The following RAP1GAP2 variants were observed in gnomAD, a reference collection of about 807,000 sequenced individuals.
RAP1GAP2 encodes RAP1 GTPase activating protein 2.
In RAP1GAP2, 27 loss-of-function variants were observed where a neutral mutation model predicts 95.0. That is an observed-to-expected ratio of 0.28 (90% CI 0.21 to 0.39). The LOEUF is 0.39. RAP1GAP2 is among the 10% of genes least tolerant of loss of function. The pLI, the probability that RAP1GAP2 is intolerant of heterozygous loss-of-function variation, is 1.00. For missense variants in RAP1GAP2, 771 were observed against 970.0 expected, an observed-to-expected ratio of 0.79 and a Z score of 2.72; for synonymous variants, 373 against 380.9, an observed-to-expected ratio of 0.98 and a Z score of 0.24.
At chr17:3,023,908 T>C (rs1446305735) in intron 19 of RAP1GAP2, among the ~76,000 whole-genome samples, 2 of 152,148 alleles carry the variant, frequency 1.3e-5, no homozygotes, top group East Asian at 1.9e-4. Flanking sequence ...ATGTGGTGTT[T>C]GGTTTTCTGT....
At chr17:2,927,575 G>C (rs752302001) in intron 3 of RAP1GAP2, among the ~76,000 whole-genome samples, 6 of 152,202 alleles carry the variant, frequency 3.9e-5, no homozygotes, top group Non-Finnish European at 7.3e-5. Context: ...TCCCATCTCA[G>C]GGGCAGCCTT....
intron 2 of RAP1GAP2, among the ~76,000 whole-genome samples, chr17:2,891,174 G>T (rs2073701407): frequency 6.6e-6 from 1 of 150,742 alleles, no homozygotes; most frequent in African/African-American, 2.4e-5. Flanking sequence ...TTGAGACAGG[G>T]TCTCACTCTG....
intron 17 of RAP1GAP2, among the ~76,000 whole-genome samples, chr17:3,012,607 A>C (rs1289314641): frequency 4.2e-4 from 1 of 2,364 alleles, no homozygotes; most frequent in African/African-American, 3.2e-3. Context: ...CTGTGTCTCA[A>C]AAAAAAAAAA....
At chr17:3,013,632 CTTT>C (rs998163717) in intron 17 of RAP1GAP2, among the ~76,000 whole-genome samples, 2 of 78,876 alleles carry the variant, frequency 2.5e-5, no homozygotes, top group Admixed American at 2.0e-4. Context: ...CTTTTCTTTT[CTTT>C]TTTTTTTTTT....
At position 3,034,593 on chromosome 17, in the gene RAP1GAP2, G is replaced by A. The variant is rs2047420877; in HGVS notation, c.*1232G>A. 6.5e-6 allele frequency: 1 copy of A among 153,660 alleles called. No homozygotes were observed. The highest frequency in any genetic ancestry group is 6.5e-5 in the Admixed American group (1 of 15,288). 9.5% of individuals were successfully genotyped at this position (153,660 alleles called of 1,614,324 possible). A position where few individuals can be genotyped will look rare whatever the true frequency, so the allele number is the denominator to read the frequency against. ...ATCCTGTTCCCCTCTCCAGCTGCGG[G>A]TCTGTAGGCAGCTGTCACATCTGAA... On this transcript the variant is annotated 3_prime_UTR_variant, in exon 25 of 25. Transcript: ENST00000254695. The surrounding 1 kb of genome is among the most constrained non-coding windows in gnomAD (Gnocchi z 5.1).
intron 3 of RAP1GAP2, among the ~76,000 whole-genome samples, chr17:2,953,249 G>T (rs969914406): frequency 2.5e-4 from 37 of 151,000 alleles, no homozygotes; most frequent in African/African-American, 8.5e-4. Flanking sequence ...CCCAGGGTAG[G>T]GTACAGTGTC....
chr17:2,998,178 A>AT, intron 13 of RAP1GAP2, 43 bp from the exon 14 acceptor site: 1 of 1,586,730 alleles, frequency 6.3e-7, no homozygotes, highest in Non-Finnish European at 8.6e-7. Flanking sequence ...ATCTTTCATG[A>AT]TTTTCCTAAC....
intron 2 of RAP1GAP2, among the ~76,000 whole-genome samples, chr17:2,840,549 A>G (rs1017442430): frequency 6.6e-6 from 1 of 150,980 alleles, no homozygotes; most frequent in Non-Finnish European, 1.5e-5. Context: ...TTTTTTCGCT[A>G]TGTTTCCCAG....
At chr17:2,778,679 G>C (rs895974604) in intron 1 of RAP1GAP2, among the ~76,000 whole-genome samples, 1 of 152,180 alleles carries the variant, frequency 6.6e-6, no homozygotes, top group Non-Finnish European at 1.5e-5. Context: ...AGACCTGGGC[G>C]TAAGTCCCAG....
intron 3 of RAP1GAP2, among the ~76,000 whole-genome samples, chr17:2,932,485 C>A (rs2043184945): frequency 6.7e-6 from 1 of 148,308 alleles, no homozygotes; most frequent in Non-Finnish European, 1.5e-5. Context: ...TATGATGCCT[C>A]TTGCTTTGGA....
intron 3 of RAP1GAP2, among the ~76,000 whole-genome samples, chr17:2,944,672 G>T (rs180942260): frequency 4.7e-4 from 71 of 152,202 alleles, no homozygotes; most frequent in African/African-American, 1.7e-3. Flanking sequence ...AAAACATCCA[G>T]CTAGGATTCT....
chr17:2,904,822 G>A lies in RAP1GAP2; in HGVS notation c.81-462G>A, dbSNP rs1037826273. Reference sequence around the variant, plus strand: ...CAGGGACCATACTTAGAGTAGCACTGCTTTAGATTTTGGTGCATTGGAGTA... The same window carrying A: ...CAGGGACCATACTTAGAGTAGCACTACTTTAGATTTTGGTGCATTGGAGTA... On this transcript the variant is annotated intron_variant, in intron 2 of 24. Coordinates refer to ENST00000254695, the MANE Select transcript of RAP1GAP2 (RefSeq NM_015085.5). This position sits in a 1 kb window ranked among gnomAD's most constrained non-coding sequence, Gnocchi z 4.7. 6.6e-6 allele frequency among the ~76,000 whole-genome samples: 1 copy of A among 152,042 alleles called. No homozygotes were observed. The highest frequency in any genetic ancestry group is 2.4e-5 in the African/African-American group (1 of 41,372).
At chr17:2,992,441 T>C (rs1235738357) in intron 12 of RAP1GAP2, among the ~76,000 whole-genome samples, 1 of 152,156 alleles carries the variant, frequency 6.6e-6, no homozygotes, top group Admixed American at 6.6e-5. Flanking sequence ...ATTACAGGCG[T>C]GAGCCACCGT....
chr17:2,832,534 G>A (rs545771421), intron 2 of RAP1GAP2, among the ~76,000 whole-genome samples: 12 of 147,796 alleles, frequency 8.1e-5, no homozygotes, highest in East Asian at 3.9e-4. Context: ...CTCCAGCCTG[G>A]GCGACAGAGC....
chr17:2,872,372 C>G (rs768055425), intron 2 of RAP1GAP2, among the ~76,000 whole-genome samples: 1 of 151,944 alleles, frequency 6.6e-6, no homozygotes, highest in African/African-American at 2.4e-5. Flanking sequence ...TAGGCACATC[C>G]GAGGGGAGTG....
intron 1 of RAP1GAP2, among the ~76,000 whole-genome samples, chr17:2,780,698 G>A (rs113014675): frequency 2.7e-3 from 409 of 152,364 alleles, no homozygotes; most frequent in Non-Finnish European, 4.5e-3. Context: ...TATGCTGGGA[G>A]ACCCAGCAGC....
chr17:2,796,548 T>C lies in RAP1GAP2; in HGVS notation c.21T>C (p.Ser7=). 14 of 1,564,388 alleles carry C rather than the reference T, an allele frequency of 8.9e-6. No homozygotes were observed. Among genetic ancestry groups the C allele is most frequent in the Non-Finnish European group, 1.2e-5 (14 of 1,154,394 alleles). MFGRKR[S]VSFGGFGWID... ...CAACCATGTTTGGCCGGAAGCGCAG[T>C]GTCTCCTTTGGGGGCTTCGGATGGT... Residue 7 remains serine, a synonymous_variant, in exon 1 of 25, where the codon AGT becomes AGC. Transcript: ENST00000254695. The surrounding 1 kb of genome is among the most constrained non-coding windows in gnomAD (Gnocchi z 4.7).
chr17:2,858,723 C>A (rs1160803014), intron 2 of RAP1GAP2, among the ~76,000 whole-genome samples: 1 of 151,912 alleles, frequency 6.6e-6, no homozygotes. Context: ...CCAGCCTGGG[C>A]AATATAGTGA....
intron 3 of RAP1GAP2, among the ~76,000 whole-genome samples, chr17:2,939,248 C>T (rs2043402501): frequency 6.6e-6 from 1 of 152,086 alleles, no homozygotes; most frequent in Non-Finnish European, 1.5e-5. Flanking sequence ...CGCCACCATA[C>T]CCAGCTAATT....
Sources: allele counts gnomAD v4.1 joint callset (sites outside exome capture counted in the v4.1 genomes callset), GRCh38; gene constraint gnomAD v4.1.1; non-coding constraint Gnocchi (gnomAD v3.1); transcripts MANE v1.5; gene names NCBI Gene and HGNC (gene_info 2026-07-23, HGNC 2026-07-21).